The following RNF144A variants were observed in gnomAD, a reference collection of about 807,000 sequenced individuals.
The protein encoded by RNF144A is E3 ubiquitin-protein ligase RNF144A.
A neutral mutation model predicts 38.7 loss-of-function variants in RNF144A; 11 were observed. The observed-to-expected ratio is 0.28, with a 90% CI of 0.18 to 0.47. The LOEUF (loss-of-function observed/expected upper bound fraction) is 0.47. RNF144A is among the 20% of genes least tolerant of loss of function. The pLI, the probability that RNF144A is intolerant of heterozygous loss-of-function variation, is 0.99. For synonymous variants in RNF144A, 149 were observed against 143.9 expected (o/e 1.04, Z -0.25); for missense variants, 316 against 377.2 (o/e 0.84, Z 1.34).
At chr2:7,010,778 C>G (rs1360320896) in intron 3 of RNF144A, among the ~76,000 whole-genome samples, 1 of 152,116 alleles carries the variant, frequency 6.6e-6, no homozygotes, top group African/African-American at 2.4e-5. Context: ...CTCTGGGAAG[C>G]CTTCCCTGAT....
intron 2 of RNF144A, among the ~76,000 whole-genome samples, chr2:6,948,686 T>C (rs1666491951): frequency 6.6e-6 from 1 of 152,206 alleles, no homozygotes; most frequent in Non-Finnish European, 1.5e-5. Context: ...TAGAACATCT[T>C]GGAAAATATC....
chr2:6,942,760 G>A (rs559345495), intron 2 of RNF144A, among the ~76,000 whole-genome samples: 3 of 152,298 alleles, frequency 2.0e-5, no homozygotes, highest in African/African-American at 7.2e-5. Flanking sequence ...AAGATGGGTG[G>A]ATCACCTGAG....
rs1481174083 is a variant in RNF144A at position 7,041,850 on chromosome 2, A to T, written c.*2090A>T. 8 of 985,354 alleles carry T rather than the reference A, an allele frequency of 8.1e-6. No homozygotes were observed. The highest frequency in any genetic ancestry group is 9.6e-6 in the Non-Finnish European group (8 of 829,972). 61.0% of individuals were successfully genotyped at this position (985,354 alleles called of 1,614,324 possible). A position where few individuals can be genotyped will look rare whatever the true frequency, so the allele number is the denominator to read the frequency against. On this transcript the variant is annotated 3_prime_UTR_variant, in exon 9 of 9. Coordinates refer to ENST00000320892, the MANE Select transcript of RNF144A (RefSeq NM_014746.6). ...GAGTCAGAGCCTTTGGAAAGGCTGC[A>T]TCCCCAGGGCTAGAGCTCAGATGAC...
chr2:6,996,323 C>A (rs1012516426), intron 2 of RNF144A, among the ~76,000 whole-genome samples: 1 of 152,130 alleles, frequency 6.6e-6, no homozygotes, highest in Non-Finnish European at 1.5e-5. Flanking sequence ...TAAGGTTTTG[C>A]CCCCCTGGTT....
chr2:6,969,247 G>A (rs1182259725), intron 2 of RNF144A, among the ~76,000 whole-genome samples: 1 of 152,184 alleles, frequency 6.6e-6, no homozygotes, highest in Admixed American at 6.5e-5. Flanking sequence ...ACATCAGAGT[G>A]TGACCTTATT....
intron 1 of RNF144A, among the ~76,000 whole-genome samples, chr2:6,935,527 G>C (rs777713111): frequency 6.6e-6 from 1 of 152,198 alleles, no homozygotes; most frequent in Non-Finnish European, 1.5e-5. Context: ...ATCCCTGCCC[G>C]GGTGAGCTCA....
At chr2:7,026,985 G>A (rs753069528) in intron 7 of RNF144A, among the ~76,000 whole-genome samples, 3 of 152,234 alleles carry the variant, frequency 2.0e-5, no homozygotes, top group African/African-American at 7.2e-5. Flanking sequence ...GGAGTCTACT[G>A]TTGGAGCCCT....
chr2:6,954,350 G>GCA (rs948980742), intron 2 of RNF144A, among the ~76,000 whole-genome samples: 2 of 151,854 alleles, frequency 1.3e-5, no homozygotes, highest in Non-Finnish European at 2.9e-5. Context: ...TTTCCTGTGT[G>GCA]CACAGAAAGT....
intron 2 of RNF144A, among the ~76,000 whole-genome samples, chr2:6,966,304 T>G (rs1667663706): frequency 6.6e-6 from 1 of 152,252 alleles, no homozygotes; most frequent in Non-Finnish European, 1.5e-5. Flanking sequence ...TTTCTTCACC[T>G]TCTAGCTAGG....
intron 2 of RNF144A, 107 bp from the exon 3 acceptor site, chr2:6,996,809 A>C: frequency 8.8e-7 from 1 of 1,135,816 alleles, no homozygotes; most frequent in Non-Finnish European, 1.3e-6. Flanking sequence ...ATCAGCAGTC[A>C]GTTGGCCACC....
At chr2:6,948,462 A>C (rs1300015928) in intron 2 of RNF144A, among the ~76,000 whole-genome samples, 3 of 152,222 alleles carry the variant, frequency 2.0e-5, no homozygotes, top group Non-Finnish European at 4.4e-5. Context: ...TGCTGGCTTA[A>C]ACAATGTCCC....
intron 7 of RNF144A, among the ~76,000 whole-genome samples, chr2:7,027,183 G>A (rs1481725145): frequency 2.6e-5 from 4 of 152,118 alleles, no homozygotes; most frequent in Admixed American, 2.0e-4. Context: ...CCTCCCCATC[G>A]TGGTCCTTAC....
intron 1 of RNF144A, among the ~76,000 whole-genome samples, chr2:6,936,729 G>A (rs964570340): frequency 8.5e-5 from 13 of 152,224 alleles, no homozygotes; most frequent in Middle Eastern, 3.4e-3. Context: ...TCTGTGTTCC[G>A]AGAAAGGTGT....
chr2:6,995,222 T>A (rs951011207), intron 2 of RNF144A, among the ~76,000 whole-genome samples: 2 of 151,796 alleles, frequency 1.3e-5, no homozygotes, highest in Admixed American at 6.6e-5. Flanking sequence ...TTTTTTTTTT[T>A]AAGTTAGGAC....
At chr2:7,061,373 A>G (rs1224344447) in intron 6 of RNF144A, among the ~76,000 whole-genome samples, 1 of 152,230 alleles carries the variant, frequency 6.6e-6, no homozygotes, top group Non-Finnish European at 1.5e-5. Context: ...TGAATGTTCC[A>G]TAGTAGATAT....
intron 2 of RNF144A, among the ~76,000 whole-genome samples, chr2:6,993,713 T>G (rs767054902): frequency 6.6e-6 from 1 of 152,092 alleles, no homozygotes; most frequent in Non-Finnish European, 1.5e-5. Flanking sequence ...GTTTTGATGT[T>G]TGATTCTTCT....
At chr2:6,998,741 A>G (rs971444902) in intron 3 of RNF144A, among the ~76,000 whole-genome samples, 3 of 152,220 alleles carry the variant, frequency 2.0e-5, no homozygotes, top group Non-Finnish European at 4.4e-5. Flanking sequence ...AACACCGTGA[A>G]TGGGGCTTAT....
intron 3 of RNF144A, among the ~76,000 whole-genome samples, chr2:6,999,744 G>C (rs1249558953): frequency 2.0e-5 from 3 of 152,168 alleles, no homozygotes; most frequent in African/African-American, 7.2e-5. Flanking sequence ...ATCAGGCCTA[G>C]TTCTTTCTCA....
At chr2:6,985,270 CTTTTTTT>C (rs748540904) in intron 2 of RNF144A, among the ~76,000 whole-genome samples, 4 of 104,706 alleles carry the variant, frequency 3.8e-5, no homozygotes, top group East Asian at 5.5e-4. Context: ...CCTCCCCCCT[CTTTTTTT>C]TTTTTTTTTT....
Sources: gnomAD v4.1 joint callset for allele counts (sites outside exome capture counted in the v4.1 genomes callset) on GRCh38, gnomAD v4.1.1 for gene constraint, MANE v1.5 for transcripts, NCBI Gene and HGNC (gene_info 2026-07-23, HGNC 2026-07-21) for gene names.